Variants in ACTN1 observed in about 807,000 individuals in gnomAD.
ACTN1 encodes alpha-actinin-1.
In ACTN1, 30 loss-of-function variants were observed where a neutral mutation model predicts 119.6. The ratio of observed to expected loss-of-function variants is 0.25; its 90% CI spans 0.19 to 0.34. ACTN1 has a LOEUF of 0.34. Ranked by LOEUF, ACTN1 falls within the 10% of genes least tolerant of loss-of-function variation. The pLI, the probability that ACTN1 is intolerant of heterozygous loss-of-function variation, is 1.00. For missense variants in ACTN1, 764 were observed against 1,223.4 expected (o/e 0.62, Z 5.60); for synonymous variants, 429 against 472.6 (o/e 0.91, Z 1.20).
rs1261003014 is a variant in ACTN1 at position 68,880,635 on chromosome 14, C to G, written c.2133+175G>C. The stretch of plus-strand genomic sequence containing the variant: ...GAGATGGGGCCTAGAAATGTGCATT[C>G]TCAACACATTCCTTGGGAAAGCAGA... On this transcript the variant is annotated intron_variant, in intron 17 of 21. Coordinates refer to ENST00000394419, the MANE Select transcript of ACTN1 (RefSeq NM_001130004.2). The surrounding 1 kb of genome is among the most constrained non-coding windows in gnomAD (Gnocchi z 4.6). Among the ~76,000 whole-genome samples, 2 of 152,166 alleles carry G rather than the reference C, an allele frequency of 1.3e-5. No homozygotes were observed. The highest frequency in any genetic ancestry group is 2.9e-5 in the Non-Finnish European group (2 of 68,022).
chr14:68,953,235 G>A (rs751979018), intron 1 of ACTN1, among the ~76,000 whole-genome samples: 1 of 152,036 alleles, frequency 6.6e-6, no homozygotes, highest in Non-Finnish European at 1.5e-5. Context: ...AACTCTCCTG[G>A]TCTTCCTAGG....
At position 68,942,737 on chromosome 14, in the gene ACTN1, C is replaced by T. The variant is rs549526516; in HGVS notation, c.106-17065G>A. Reference sequence around the variant, plus strand: ...GCCATTTTAGGGGGTAACTCAGCAGCGTATCAGGAAATTCCCTGCAACCCA... The same window carrying T: ...GCCATTTTAGGGGGTAACTCAGCAGTGTATCAGGAAATTCCCTGCAACCCA... On this transcript the variant is annotated intron_variant, in intron 1 of 21. Coordinates refer to ENST00000394419, the MANE Select transcript of ACTN1 (RefSeq NM_001130004.2). 3.3e-5 allele frequency among the ~76,000 whole-genome samples: 5 copies of T among 152,280 alleles called. 1 individual carries two copies. Among genetic ancestry groups the T allele is most frequent in the African/African-American group, 1.2e-4 (5 of 41,546 alleles).
chr14:68,949,809 G>A (rs2036068803), intron 1 of ACTN1, among the ~76,000 whole-genome samples: 1 of 152,114 alleles, frequency 6.6e-6, no homozygotes, highest in Non-Finnish European at 1.5e-5. Flanking sequence ...GCTGCAACAT[G>A]GACCAACCTT....
chr14:68,945,159 G>A (rs1200586466), intron 1 of ACTN1, among the ~76,000 whole-genome samples: 2 of 81,590 alleles, frequency 2.5e-5, no homozygotes, highest in South Asian at 6.7e-4. Context: ...GTAAGACTCC[G>A]GTTCAAAAAA....
chr14:68,918,584 C>CAA (rs1056979735), intron 3 of ACTN1, among the ~76,000 whole-genome samples: 1 of 119,308 alleles, frequency 8.4e-6, no homozygotes, highest in African/African-American at 3.2e-5. Context: ...GACTCCGTCT[C>CAA]AAAAAAAAAA....
intron 1 of ACTN1, among the ~76,000 whole-genome samples, chr14:68,961,463 G>A (rs759248062): frequency 6.6e-6 from 1 of 152,202 alleles, no homozygotes; most frequent in Non-Finnish European, 1.5e-5. Flanking sequence ...AGAGGCCCAT[G>A]TGGGTGAAGC....
chr14:68,956,246 G>A (rs116425211), intron 1 of ACTN1, among the ~76,000 whole-genome samples: 42 of 152,246 alleles, frequency 2.8e-4, no homozygotes, highest in African/African-American at 9.4e-4. Flanking sequence ...GAGGGGGATC[G>A]CTTAAGTCCA....
rs143911358 is a variant in ACTN1, at chr14:68,962,490, C to A, written c.105+16462G>T. Among the ~76,000 whole-genome samples the A allele has an allele frequency of 2.2e-3, 334 of 152,268 alleles. 2 individuals are homozygous for A. Among genetic ancestry groups the A allele is most frequent in the African/African-American group, 7.5e-3 (312 of 41,552 alleles). Reference sequence around the variant, plus strand: ...CCTCCCCAGCCTAAATCTCAGAACTCAGAGTAAGGAGAGGCCTTGAAGGCC... The same window carrying A: ...CCTCCCCAGCCTAAATCTCAGAACTAAGAGTAAGGAGAGGCCTTGAAGGCC... On this transcript the variant is annotated intron_variant, in intron 1 of 21. Coordinates refer to ENST00000394419, the MANE Select transcript of ACTN1 (RefSeq NM_001130004.2).
intron 4 of ACTN1, among the ~76,000 whole-genome samples, chr14:68,911,022 C>A (rs1428119524): frequency 6.6e-6 from 1 of 152,180 alleles, no homozygotes; most frequent in Non-Finnish European, 1.5e-5. Flanking sequence ...TGAAAACGGA[C>A]TAATACACCC....
rs549357129 is a variant in ACTN1 at position 68,885,969 on chromosome 14, A to C, written c.1235-394T>G. Reference sequence around the variant, plus strand: ...CTTTAGAATGTCCCCAGTTACCGTCACTGGCTGCCGGCAGCCCTGCAGGGG... The same window carrying C: ...CTTTAGAATGTCCCCAGTTACCGTCCCTGGCTGCCGGCAGCCCTGCAGGGG... On this transcript the variant is annotated intron_variant, in intron 11 of 21. Transcript: ENST00000394419. This position sits in a 1 kb window ranked among gnomAD's most constrained non-coding sequence, Gnocchi z 5.6. The C allele has an allele frequency of 4.9e-5, 9 of 183,022 alleles. No homozygotes were observed. The East Asian group carries it at 1.0e-3, about 21-fold the overall frequency. 11.3% of individuals were successfully genotyped at this position (183,022 alleles called of 1,614,324 possible).
At chr14:68,969,058 A>C (rs77069797) in intron 1 of ACTN1, among the ~76,000 whole-genome samples, 8,692 of 152,300 alleles carry the variant, frequency 0.057, 382 homozygotes, top group African/African-American at 0.13. Context: ...CATGCCAAGC[A>C]GACTCAGTGA....
intron 7 of ACTN1, 90 bp downstream of exon 7, chr14:68,904,565 C>T: frequency 8.3e-7 from 1 of 1,204,756 alleles, no homozygotes; most frequent in Non-Finnish European, 1.2e-6. Flanking sequence ...TCCTCCCGTC[C>T]AGCCCCGGAC....
At chr14:68,904,818 AAC>A in intron 6 of ACTN1, 82 bp from the exon 7 acceptor site, 1 of 1,212,294 alleles carries the variant, frequency 8.2e-7, no homozygotes, top group Non-Finnish European at 1.2e-6. Context: ...TGGCCACCCA[AAC>A]TGGGGAGCAG....
chr14:68,958,543 T>C (rs957247249), intron 1 of ACTN1, among the ~76,000 whole-genome samples: 1 of 150,994 alleles, frequency 6.6e-6, no homozygotes, highest in Non-Finnish European at 1.5e-5. Context: ...AGGTGGCACA[T>C]TAAGCTGGTC....
chr14:68,955,049 G>A (rs1432566387), intron 1 of ACTN1, among the ~76,000 whole-genome samples: 1 of 152,122 alleles, frequency 6.6e-6, no homozygotes, highest in Non-Finnish European at 1.5e-5. Flanking sequence ...CAGCCTCCAT[G>A]CCACACTCAA....
chr14:68,956,616 G>A (rs1165761880), intron 1 of ACTN1, among the ~76,000 whole-genome samples: 4 of 152,076 alleles, frequency 2.6e-5, no homozygotes, highest in African/African-American at 9.7e-5. Context: ...GGTAGCAGAG[G>A]GTGGACATAC....
chr14:68,919,826 T>C (rs896794873), intron 3 of ACTN1, among the ~76,000 whole-genome samples: 1 of 152,232 alleles, frequency 6.6e-6, no homozygotes, highest in Non-Finnish European at 1.5e-5. Flanking sequence ...ACAAAGCCAC[T>C]GATGATACAT....
intron 8 of ACTN1, among the ~76,000 whole-genome samples, chr14:68,898,175 C>T (rs1464201691): frequency 1.3e-5 from 2 of 152,184 alleles, no homozygotes; most frequent in Non-Finnish European, 2.9e-5. Context: ...CAGATCGAGT[C>T]CAAGCCTTCA....
intron 2 of ACTN1, among the ~76,000 whole-genome samples, chr14:68,924,923 C>A (rs1378121137): frequency 6.6e-6 from 1 of 152,158 alleles, no homozygotes; most frequent in Non-Finnish European, 1.5e-5. Context: ...CTGTGTGGGA[C>A]ATTGGGGTGG....
Sources: allele counts gnomAD v4.1 joint callset (sites outside exome capture counted in the v4.1 genomes callset), GRCh38; gene constraint gnomAD v4.1.1; non-coding constraint Gnocchi (gnomAD v3.1); transcripts MANE v1.5; gene names NCBI Gene and HGNC (gene_info 2026-07-23, HGNC 2026-07-21).